OPRM1: variants seen among roughly 807,000 people sequenced by gnomAD.
OPRM1 encodes the protein opioid receptor mu 1.
In OPRM1, 27 loss-of-function variants were observed where a neutral mutation model predicts 31.8. The observed-to-expected ratio is 0.85, with a 90% CI of 0.63 to 1.17. The LOEUF (loss-of-function observed/expected upper bound fraction) is 1.17, where lower values mean the gene tolerates loss of function less well. Among genes scored for constraint, OPRM1 ranks in the 50% most tolerant of loss-of-function variants. The pLI, the probability that OPRM1 is intolerant of heterozygous loss-of-function variation, is 0.00. For synonymous variants in OPRM1, 196 were observed against 189.9 expected, an observed-to-expected ratio of 1.03 and a Z score of -0.26; for missense variants, 536 against 511.1, an observed-to-expected ratio of 1.05 and a Z score of -0.47.
At chr6:154,026,410 G>A (rs1366422075) in intron 1 of OPRM1, among the ~76,000 whole-genome samples, 1 of 151,998 alleles carries the variant, frequency 6.6e-6, no homozygotes, top group Non-Finnish European at 1.5e-5. Context: ...ATGCCTTGAA[G>A]TAGTCTTCTT....
chr6:154,014,251 G>A (rs1236209224), intron 1 of OPRM1, among the ~76,000 whole-genome samples: 1 of 152,190 alleles, frequency 6.6e-6, no homozygotes, highest in Non-Finnish European at 1.5e-5. Context: ...AGGTGGTGGA[G>A]GAGTGAGGTG....
intron 1 of OPRM1, among the ~76,000 whole-genome samples, chr6:154,053,294 T>C (rs1179623615): frequency 6.6e-6 from 1 of 152,220 alleles, no homozygotes; most frequent in Non-Finnish European, 1.5e-5. Flanking sequence ...TTGGCAAATA[T>C]AAAATCTGTC....
intron 3 of OPRM1, among the ~76,000 whole-genome samples, chr6:154,202,589 C>A (rs1777160132): frequency 6.6e-6 from 1 of 152,188 alleles, no homozygotes. Context: ...CTCCTGCTGA[C>A]TCTACTTTAA....
intron 1 of OPRM1, among the ~76,000 whole-genome samples, chr6:154,081,229 C>T (rs984949272): frequency 6.6e-6 from 1 of 152,166 alleles, no homozygotes; most frequent in Non-Finnish European, 1.5e-5. Flanking sequence ...AAGGGCCTGG[C>T]GCGGTGGCTC....
chr6:154,018,505 C>T (rs1348411036), intron 1 of OPRM1, among the ~76,000 whole-genome samples: 2 of 141,238 alleles, frequency 1.4e-5, no homozygotes, highest in African/African-American at 2.6e-5. Flanking sequence ...CCCGTTAATT[C>T]TTTTTTTTTT....
chr6:154,205,710 A>G (rs1777436956), intron 3 of OPRM1, among the ~76,000 whole-genome samples: 1 of 152,250 alleles, frequency 6.6e-6, no homozygotes, highest in Non-Finnish European at 1.5e-5. Context: ...TGTGTATTGT[A>G]GAAATATTTC....
At chr6:154,180,898 A>G (rs1184756759) in intron 3 of OPRM1, among the ~76,000 whole-genome samples, 1 of 152,206 alleles carries the variant, frequency 6.6e-6, no homozygotes, top group Non-Finnish European at 1.5e-5. Flanking sequence ...TTTAGGTAGA[A>G]AACAGCGTTT....
chr6:154,173,276 C>T (rs1800025246), intron 3 of OPRM1, among the ~76,000 whole-genome samples: 1 of 152,168 alleles, frequency 6.6e-6, no homozygotes, highest in East Asian at 1.9e-4. Flanking sequence ...CAAAGGAACA[C>T]AACTCCTCAC....
chr6:154,133,771 T>G (rs1797988974), downstream of OPRM1, among the ~76,000 whole-genome samples: 1 of 152,270 alleles, frequency 6.6e-6, no homozygotes, highest in African/African-American at 2.4e-5. Flanking sequence ...TACTGTGCGT[T>G]TGCAATGAGT....
chr6:154,200,465 A>G (rs1374042224), intron 3 of OPRM1, among the ~76,000 whole-genome samples: 1 of 152,236 alleles, frequency 6.6e-6, no homozygotes, highest in Non-Finnish European at 1.5e-5. Context: ...TCATGCCTGT[A>G]ATCCCAGCAC....
intron 3 of OPRM1, among the ~76,000 whole-genome samples, chr6:154,198,909 G>A (rs952314638): frequency 4.4e-4 from 67 of 152,256 alleles, no homozygotes; most frequent in African/African-American, 1.6e-3. Context: ...TCACTGCTCA[G>A]TATCTTCCAT....
At chr6:154,156,833 T>A (rs967421711) in intron 3 of OPRM1, 4 of 152,178 alleles carry the variant, frequency 2.6e-5, no homozygotes, top group Admixed American at 2.0e-4. Flanking sequence ...CAGGCTCCGT[T>A]CTGGATCTAC....
chr6:154,066,924 G>A (rs1376213964), intron 1 of OPRM1, among the ~76,000 whole-genome samples: 1 of 152,092 alleles, frequency 6.6e-6, no homozygotes, highest in African/African-American at 2.4e-5. Context: ...TACGAACTTG[G>A]TCATTTCATC....
chr6:154,065,849 A>G (rs1785288969), intron 1 of OPRM1, among the ~76,000 whole-genome samples: 1 of 152,022 alleles, frequency 6.6e-6, no homozygotes, highest in Non-Finnish European at 1.5e-5. Context: ...CTTGTTCCTG[A>G]TATTAGAGAA....
chr6:154,116,568 G>C (rs1796897329), intron 3 of OPRM1, among the ~76,000 whole-genome samples: 1 of 138,938 alleles, frequency 7.2e-6, no homozygotes, highest in Non-Finnish European at 1.5e-5. Context: ...CTGGGTGACA[G>C]AACGAGACTC....
rs1374486698 is a variant in OPRM1, at chr6:154,131,902, T to C, written c.*13181T>C. 6.6e-6 allele frequency among the ~76,000 whole-genome samples: 1 copy of C among 151,856 alleles called. No individual in the cohort carries two copies. Among genetic ancestry groups the C allele is most frequent in the African/African-American group, 2.4e-5 (1 of 41,406 alleles). On this transcript the variant is annotated 3_prime_UTR_variant, in exon 4 of 4. Coordinates refer to ENST00000330432, the MANE Select transcript of OPRM1 (RefSeq NM_000914.5). ...GTTAAAAAAAAACACACAACATTGTTTTCCTTTTGATGGTCTGGGAGTTTT... is the reference window on the plus strand; with the variant it reads ...GTTAAAAAAAAACACACAACATTGTCTTCCTTTTGATGGTCTGGGAGTTTT...
At chr6:154,158,503 C>T (rs1798803625) in intron 3 of OPRM1, 1 of 152,080 alleles carries the variant, frequency 6.6e-6, no homozygotes, top group Non-Finnish European at 1.5e-5. Context: ...AAAGGATAAT[C>T]TAAGATGAAA....
chr6:154,090,143 C>T lies in OPRM1; in HGVS notation c.608C>T (p.Pro203Leu). Residue 203 changes from proline (P) to leucine (L), a missense_variant, in exon 2 of 4, where the codon CCT becomes CTT. Pro to Leu is a moderately conservative substitution (Grantham distance 98, BLOSUM62 -3). Coordinates refer to ENST00000330432, the MANE Select transcript of OPRM1 (RefSeq NM_000914.5). ...ATCCTCTCTTCAGCCATTGGTCTTC[C>T]TGTAATGTTCATGGCTACAACAAAA... ...NWILSSAIGL[P>L]VMFMATTKYR... 1.2e-6 allele frequency: 2 copies of T among 1,613,650 alleles called. No homozygotes were observed. The highest frequency in any genetic ancestry group is 1.1e-5 in the South Asian group (1 of 91,044).
chr6:154,088,153 A>T (rs1444382522), intron 1 of OPRM1, among the ~76,000 whole-genome samples: 1 of 152,222 alleles, frequency 6.6e-6, no homozygotes, highest in Non-Finnish European at 1.5e-5. Context: ...AATTCTTGTT[A>T]TATGCAACCA....
Sources: allele counts gnomAD v4.1 joint callset (sites outside exome capture counted in the v4.1 genomes callset), GRCh38; gene constraint gnomAD v4.1.1; transcripts MANE v1.5; gene names NCBI Gene and HGNC (gene_info 2026-07-23, HGNC 2026-07-21).